The following WDR5 variants were observed in gnomAD, a reference collection of about 807,000 sequenced individuals.
WDR5 encodes the protein WD repeat domain 5.
For missense variants in WDR5, 187 were observed against 416.9 expected (o/e 0.45, Z 4.80); for synonymous variants, 144 against 161.6 (o/e 0.89, Z 0.83).
chr9:134,145,278 T>C (rs995190741), intron 7 of WDR5, among the ~76,000 whole-genome samples: 3 of 152,072 alleles, frequency 2.0e-5, no homozygotes, highest in East Asian at 1.9e-4. Flanking sequence ...TTTGTATTTT[T>C]AGTAGAGACA....
chr9:134,140,852 C>G, intron 3 of WDR5, 41 bp downstream of exon 3: 1 of 1,583,046 alleles, frequency 6.3e-7, no homozygotes, highest in Non-Finnish European at 8.7e-7. Flanking sequence ...GAGAGGCGGT[C>G]TGAGCTGCAG....
Position 134,157,924 on chromosome 9 carries a change from A to G in WDR5, c.936A>G (p.Thr312=). The change falls in exon 14 of 14, where the codon ACA becomes ACG. Residue 312 remains threonine, a synonymous_variant. Coordinates refer to ENST00000358625, the MANE Select transcript of WDR5 (RefSeq NM_017588.3). This position sits in a 1 kb window ranked among gnomAD's most constrained non-coding sequence, Gnocchi z 5.0. ...TGATCTCAACAGCTTGTCACCCAACAGAAAACATCATCGCCTCTGCTGCGC... is the reference window on the plus strand; with the variant it reads ...TGATCTCAACAGCTTGTCACCCAACGGAAAACATCATCGCCTCTGCTGCGC... The part of the protein sequence containing the change: ...DVVISTACHP[T]ENIIASAALE... 6.2e-7 allele frequency: 1 copy of G among 1,614,198 alleles called. No homozygotes were observed. Among genetic ancestry groups the G allele is most frequent in the South Asian group, 1.1e-5 (1 of 91,084 alleles).
chr9:134,150,266 A>G (rs1020133420), intron 8 of WDR5, among the ~76,000 whole-genome samples: 1 of 152,204 alleles, frequency 6.6e-6, no homozygotes, highest in Non-Finnish European at 1.5e-5. Context: ...ATTATTGGAT[A>G]ATGAAAGGAT....
At chr9:134,141,098 A>G (rs58734062) in intron 3 of WDR5, among the ~76,000 whole-genome samples, 5,837 of 152,196 alleles carry the variant, frequency 0.038, 366 homozygotes, top group African/African-American at 0.13. Context: ...CCTGGCCAAT[A>G]TGGTGAAACC....
chr9:134,138,959 T>C (rs1831728764), intron 1 of WDR5, among the ~76,000 whole-genome samples: 1 of 152,212 alleles, frequency 6.6e-6, no homozygotes, highest in Admixed American at 6.5e-5. Context: ...TGTGCTTTTA[T>C]GAGATGTATT....
chr9:134,152,575 C>T (rs1054160575), intron 9 of WDR5, among the ~76,000 whole-genome samples: 3 of 152,180 alleles, frequency 2.0e-5, no homozygotes, highest in Non-Finnish European at 4.4e-5. Context: ...CCTTGCAGAG[C>T]CTGCAGAAAG....
intron 8 of WDR5, 117 bp from the exon 9 acceptor site, chr9:134,151,866 C>A: frequency 9.5e-7 from 1 of 1,048,498 alleles, no homozygotes; most frequent in Non-Finnish European, 1.4e-6. Context: ...TGAAGCATAA[C>A]TTTTAAAAAA....
Position 134,155,449 on chromosome 9 carries a change from C to T in WDR5, c.741+76C>T, listed in dbSNP as rs554609776. On this transcript the variant is annotated intron_variant, in intron 11 of 13. Transcript: ENST00000358625. ...GCCTCTGGTGGGGACAGAGCTGGCC[C>T]CGGTGATGACAAAGGAGAGGAGCTC... 7 of 1,515,206 alleles carry T rather than the reference C, an allele frequency of 4.6e-6. No homozygotes were observed. The East Asian group carries it at 9.1e-5, about 20-fold the overall frequency. 93.9% of individuals were successfully genotyped at this position (1,515,206 alleles called of 1,614,324 possible).
chr9:134,145,046 C>T (rs1052170588), intron 7 of WDR5, among the ~76,000 whole-genome samples: 1 of 150,942 alleles, frequency 6.6e-6, no homozygotes, highest in Non-Finnish European at 1.5e-5. Flanking sequence ...CTCCACTCCA[C>T]AGCTGCTGCT....
chr9:134,152,341 G>A (rs889467574), intron 9 of WDR5, among the ~76,000 whole-genome samples: 4 of 152,212 alleles, frequency 2.6e-5, no homozygotes, highest in Admixed American at 6.5e-5. Flanking sequence ...TCCTGGCTTC[G>A]GGCCCCTGCT....
intron 8 of WDR5, 44 bp from the exon 9 acceptor site, chr9:134,151,939 C>A: frequency 1.2e-6 from 2 of 1,603,590 alleles, no homozygotes; most frequent in Non-Finnish European, 1.7e-6. Context: ...CGCGTGAGAT[C>A]ATAACTTGTC....
chr9:134,145,937 CTT>C (rs35158770), intron 7 of WDR5, among the ~76,000 whole-genome samples: 179 of 139,328 alleles, frequency 1.3e-3, no homozygotes, highest in East Asian at 3.7e-3. Flanking sequence ...TTCTTTCTTT[CTT>C]TTTTTTTTTT....
In WDR5 at chr9:134,136,146, G is replaced by A. The variant is rs1411764388; in HGVS notation, c.-113G>A. 2 of 146,646 alleles carry A rather than the reference G, an allele frequency of 1.4e-5. No individual in the cohort carries two copies. The highest frequency in any genetic ancestry group is 3.0e-5 in the Non-Finnish European group (2 of 66,276). The allele number at this position is 146,646 out of a possible 1,614,324, so 9.1% of individuals were successfully genotyped here. A position where few individuals can be genotyped will look rare whatever the true frequency, so the allele number is the denominator to read the frequency against. ...CGAGCTGAGTCCGCGCTCCCGCCCA[G>A]GCGGCGGCCGACGCGACGCCCCGAG... is the stretch of plus-strand genomic sequence containing the variant. On this transcript the variant is annotated 5_prime_UTR_variant, in exon 1 of 14. Transcript: ENST00000358625.
At position 134,153,556 on chromosome 9, in the gene WDR5, G is replaced by A. The variant is rs1047154445; in HGVS notation, c.632-910G>A. On this transcript the variant is annotated intron_variant, in intron 9 of 13. Transcript: ENST00000358625. ...ACCTCGGCCTGCCTGGCGGTGTGAC[G>A]TGGTGTGCCCCTGAGGGAGGGACCG... is the stretch of plus-strand genomic sequence containing the variant. 4.6e-5 allele frequency among the ~76,000 whole-genome samples: 7 copies of A among 152,360 alleles called. No individual in the cohort carries two copies. The East Asian group carries it at 1.4e-3, about 29-fold the overall frequency.
intron 8 of WDR5, 67 bp downstream of exon 8, chr9:134,148,410 C>A: frequency 7.1e-7 from 1 of 1,411,508 alleles, no homozygotes; most frequent in South Asian, 1.2e-5. Flanking sequence ...TTGCACTGTT[C>A]CTGCATCTGG....
intron 1 of WDR5, among the ~76,000 whole-genome samples, chr9:134,137,397 C>T (rs971172389): frequency 5.0e-4 from 76 of 152,092 alleles, no homozygotes; most frequent in Non-Finnish European, 8.8e-4. Context: ...AAATGCCAAG[C>T]CTTGGCCCGG....
rs34274409 is a variant in WDR5 at position 134,153,747 on chromosome 9, C to CG, written c.632-717dup. On this transcript the variant is annotated intron_variant, in intron 9 of 13. Transcript: ENST00000358625. ...CCAGCGCGTGCACGTGCTTGGGGGT[C>CG]GGTGGGGGTCTCTGGTGGGGCCCAG... 8.8e-3 allele frequency among the ~76,000 whole-genome samples: 1,335 copies of CG among 151,662 alleles called. 11 individuals are homozygous for CG. Among genetic ancestry groups the CG allele is most frequent in the Non-Finnish European group, 0.014 (962 of 67,926 alleles).
intron 2 of WDR5, 51 bp from the exon 3 acceptor site, chr9:134,140,652 G>C: frequency 6.7e-7 from 1 of 1,490,286 alleles, no homozygotes. Flanking sequence ...AACTGGTCAC[G>C]GGTGGAACGT....
At chr9:134,150,710 T>A (rs1224303550) in intron 8 of WDR5, among the ~76,000 whole-genome samples, 1 of 152,220 alleles carries the variant, frequency 6.6e-6, no homozygotes, top group African/African-American at 2.4e-5. Flanking sequence ...CAGCCTTGCT[T>A]TTCAGGCAGG....
Sources: allele counts gnomAD v4.1 joint callset (sites outside exome capture counted in the v4.1 genomes callset), GRCh38; gene constraint gnomAD v4.1.1; non-coding constraint Gnocchi (gnomAD v3.1); transcripts MANE v1.5; gene names NCBI Gene and HGNC (gene_info 2026-07-23, HGNC 2026-07-21).